INSR: variants seen among roughly 807,000 people sequenced by gnomAD.
The protein encoded by INSR is insulin receptor.
Under a neutral mutation model 142.6 loss-of-function variants are expected in INSR, and 67 were observed. That is an observed-to-expected ratio of 0.47 (90% CI 0.39 to 0.58). The LOEUF is 0.58. INSR is among the 20% of genes least tolerant of loss of function. INSR has a pLI of 0.00. For synonymous variants in INSR, 756 were observed against 743.1 expected, an observed-to-expected ratio of 1.02 and a Z score of -0.28; for missense variants, 1,248 against 1,833.2, an observed-to-expected ratio of 0.68 and a Z score of 5.83.
At chr19:7,134,823 T>C (rs1185332494) in intron 13 of INSR, among the ~76,000 whole-genome samples, 1 of 151,502 alleles carries the variant, frequency 6.6e-6, no homozygotes, top group African/African-American at 2.4e-5. Context: ...AATAAAATAA[T>C]AAATAAATAA....
chr19:7,119,677 C>T lies in INSR; in HGVS notation c.3660-94G>A. 1 of 1,365,436 alleles carries T rather than the reference C, an allele frequency of 7.3e-7. No individual in the cohort carries two copies. Among genetic ancestry groups the T allele is most frequent in the Non-Finnish European group, 1.0e-6 (1 of 969,914 alleles). 84.6% of individuals were successfully genotyped at this position (1,365,436 alleles called of 1,614,324 possible). On this transcript the variant is annotated intron_variant, in intron 20 of 21. Coordinates refer to ENST00000302850, the MANE Select transcript of INSR (RefSeq NM_000208.4). The surrounding 1 kb of genome is among the most constrained non-coding windows in gnomAD (Gnocchi z 5.2). ...ACACACACACGCAAACGCACACACA[C>T]ACGCAAACACACATGCCAACACATA...
At chr19:7,272,843 A>C (rs540621647) in intron 1 of INSR, among the ~76,000 whole-genome samples, 2 of 152,092 alleles carry the variant, frequency 1.3e-5, no homozygotes, top group African/African-American at 2.4e-5. Flanking sequence ...TGGCCTCCCA[A>C]AGTGCTGGGA....
chr19:7,285,776 G>A (rs915395202), intron 1 of INSR, among the ~76,000 whole-genome samples: 2 of 152,112 alleles, frequency 1.3e-5, no homozygotes, highest in Admixed American at 1.3e-4. Flanking sequence ...AAAGTCTAGA[G>A]AAAACTATAG....
rs142669424 is a variant in INSR at position 7,210,308 on chromosome 19, G to T, written c.653-25671C>A. Among the ~76,000 whole-genome samples the T allele has an allele frequency of 8.0e-3, 1,162 of 144,616 alleles. 15 individuals carry two copies. The highest frequency in any genetic ancestry group is 0.027 in the African/African-American group (1,089 of 39,670). The allele number at this position is 144,616 out of a possible 152,430, so 94.9% of individuals were successfully genotyped here. A position where few individuals can be genotyped will look rare whatever the true frequency, so the allele number is the denominator to read the frequency against. On this transcript the variant is annotated intron_variant, in intron 2 of 21. Transcript: ENST00000302850. The stretch of plus-strand genomic sequence containing the variant: ...TGCAGTGAGCCGAGATTGAGCCATT[G>T]CACTGCAGCCTGGTCAACAGAGACT...
In INSR at chr19:7,126,784, G is replaced by A. The variant is rs957603010; in HGVS notation, c.2946-133C>T. On this transcript the variant is annotated intron_variant, in intron 15 of 21. Coordinates refer to ENST00000302850, the MANE Select transcript of INSR (RefSeq NM_000208.4). ...TCCCCATAATCCTAGATGCAGTCTA[G>A]GGCAGGGATGGGGGACCTTTATGTT... The A allele has an allele frequency of 1.1e-5, 9 of 805,738 alleles. No homozygotes were observed. In the African/African-American group the frequency reaches 1.4e-4, roughly 12 times the overall value. 49.9% of individuals were successfully genotyped at this position (805,738 alleles called of 1,614,324 possible). A position where few individuals can be genotyped will look rare whatever the true frequency, so the allele number is the denominator to read the frequency against.
rs1181071699 is a variant in INSR, at chr19:7,116,124, TC to T, written c.*931del. 2.2e-3 allele frequency: 89 copies of T among 40,670 alleles called. No individual in the cohort carries two copies. Among genetic ancestry groups the T allele is most frequent in the African/African-American group, 7.3e-3 (87 of 11,986 alleles). 2.5% of individuals were successfully genotyped at this position (40,670 alleles called of 1,614,324 possible). A position where few individuals can be genotyped will look rare whatever the true frequency, so the allele number is the denominator to read the frequency against. On this transcript the variant is annotated 3_prime_UTR_variant, in exon 22 of 22. Transcript: ENST00000302850. ...TTCCATTTTGTTTTTTCTTTCTTTT[TC>T]TTTTTTTTTTTTTAATGTCCTAGCT...
At chr19:7,255,416 C>T (rs1250605993) in intron 2 of INSR, among the ~76,000 whole-genome samples, 1 of 152,128 alleles carries the variant, frequency 6.6e-6, no homozygotes, top group Admixed American at 6.5e-5. Context: ...GCATGAGGCA[C>T]CCTCTTCACT....
intron 2 of INSR, among the ~76,000 whole-genome samples, chr19:7,243,992 A>G (rs1328208025): frequency 6.6e-6 from 1 of 152,210 alleles, no homozygotes; most frequent in Admixed American, 6.5e-5. Flanking sequence ...AATTTTTTTC[A>G]TGCTTCCAGA....
chr19:7,289,409 T>C (rs559566762), intron 1 of INSR, among the ~76,000 whole-genome samples: 14,118 of 146,352 alleles, frequency 0.096, 1,708 homozygotes, highest in African/African-American at 0.27. Flanking sequence ...TCTTTTCTTT[T>C]TTTTTTTTTT....
intron 8 of INSR, 88 bp from the exon 9 acceptor site, chr19:7,163,287 A>G: frequency 7.7e-7 from 1 of 1,303,020 alleles, no homozygotes; most frequent in Non-Finnish European, 1.1e-6. Flanking sequence ...CACAAGTTAA[A>G]GACATCATGA....
intron 2 of INSR, among the ~76,000 whole-genome samples, chr19:7,241,180 T>G (rs1331814751): frequency 1.4e-4 from 8 of 57,136 alleles, no homozygotes; most frequent in Non-Finnish European, 4.8e-4. Flanking sequence ...TTATTTTGTT[T>G]TTTTTTTTTT....
chr19:7,132,054 C>G lies in INSR; in HGVS notation c.2842+104G>C, dbSNP rs1972796105. ...CAGCTGATAGGCCTGAGAGTCAAGGCCAGGGCCAGCACCTGCGGCCTCTCC... is the reference window on the plus strand; with the variant it reads ...CAGCTGATAGGCCTGAGAGTCAAGGGCAGGGCCAGCACCTGCGGCCTCTCC... On this transcript the variant is annotated intron_variant, in intron 14 of 21. Transcript: ENST00000302850. 25 of 1,434,722 alleles carry G rather than the reference C, an allele frequency of 1.7e-5. 1 individual carries two copies. The South Asian group carries it at 2.8e-4, about 16-fold the overall frequency. The allele number at this position is 1,434,722 out of a possible 1,614,324, so 88.9% of individuals were successfully genotyped here.
At chr19:7,275,644 C>T (rs11673363) in intron 1 of INSR, among the ~76,000 whole-genome samples, 50,371 of 151,866 alleles carry the variant, frequency 0.33, 9,485 homozygotes, top group Non-Finnish European at 0.43. Flanking sequence ...TTAGCGGGGT[C>T]GGGGGAGTGG....
chr19:7,220,071 C>T (rs1397860284), intron 2 of INSR, among the ~76,000 whole-genome samples: 1 of 152,144 alleles, frequency 6.6e-6, no homozygotes, highest in East Asian at 1.9e-4. Flanking sequence ...CTGAGCCAAT[C>T]ATAAGAGTCT....
intron 5 of INSR, 151 bp downstream of exon 5, chr19:7,172,139 C>T: frequency 2.6e-6 from 2 of 776,650 alleles, no homozygotes; most frequent in East Asian, 2.7e-5. Context: ...CTTGAACTCC[C>T]CGCCTCAAGT....
At position 7,124,540 on chromosome 19, in the gene INSR, GGAAAAAAAAAAAAAAAAAAAAAAAAAAAA is replaced by G. The variant is rs1972577989; in HGVS notation, c.3258+714_3258+742del. 7.4e-4 allele frequency among the ~76,000 whole-genome samples: 8 copies of G among 10,812 alleles called. 2 individuals are homozygous for G. Among genetic ancestry groups the G allele is most frequent in the South Asian group, 7.2e-3 (1 of 138 alleles). 7.1% of individuals were successfully genotyped at this position (10,812 alleles called of 152,430 possible). A position where few individuals can be genotyped will look rare whatever the true frequency, so the allele number is the denominator to read the frequency against. The stretch of plus-strand genomic sequence containing the variant: ...CACAACAAAGCGAGACTCCGTTTCA[GGAAAAAAAAAAAAAAAAAAAAAAAAAAAA>G]AAAAAAAAAAAAAAAAAAAATATAT... On this transcript the variant is annotated intron_variant, in intron 17 of 21. Transcript: ENST00000302850.
At chr19:7,255,139 C>T (rs551921178) in intron 2 of INSR, among the ~76,000 whole-genome samples, 2 of 152,096 alleles carry the variant, frequency 1.3e-5, no homozygotes, top group East Asian at 1.9e-4. Flanking sequence ...AGTGACCACA[C>T]GGTCAACTGG....
rs540694324 is a variant in INSR, at chr19:7,114,626, C to A, written c.*2430G>T. ...TAGAATTCTGAAATCTCAAAGATGTCCATGATTGAATCACATCTTAACAAT... is the reference window on the plus strand; with the variant it reads ...TAGAATTCTGAAATCTCAAAGATGTACATGATTGAATCACATCTTAACAAT... On this transcript the variant is annotated 3_prime_UTR_variant, in exon 22 of 22. Coordinates refer to ENST00000302850, the MANE Select transcript of INSR (RefSeq NM_000208.4). 6.5e-6 allele frequency: 1 copy of A among 152,704 alleles called. No homozygotes were observed. The highest frequency in any genetic ancestry group is 2.1e-4 in the South Asian group (1 of 4,826). 9.5% of individuals were successfully genotyped at this position (152,704 alleles called of 1,614,324 possible). A position where few individuals can be genotyped will look rare whatever the true frequency, so the allele number is the denominator to read the frequency against.
At chr19:7,231,295 GTTT>G (rs59830751) in intron 2 of INSR, among the ~76,000 whole-genome samples, 61,015 of 135,676 alleles carry the variant, frequency 0.45, 13,690 homozygotes, top group East Asian at 0.69. Context: ...GGTGTTTTTT[GTTT>G]TTTTTTTTTT....
Sources: allele counts gnomAD v4.1 joint callset (sites outside exome capture counted in the v4.1 genomes callset), GRCh38; gene constraint gnomAD v4.1.1; non-coding constraint Gnocchi (gnomAD v3.1); transcripts MANE v1.5; gene names NCBI Gene and HGNC (gene_info 2026-07-23, HGNC 2026-07-21).